OR2M4: variants seen among roughly 807,000 people sequenced by gnomAD.
OR2M4 encodes olfactory receptor 2M4.
In OR2M4, 8 loss-of-function variants were observed where a neutral mutation model predicts 13.7. The observed-to-expected ratio is 0.58, with a 90% confidence interval of 0.34 to 1.05. The LOEUF is 1.05. Ranked by LOEUF, OR2M4 falls within the 50% of genes least tolerant of loss-of-function variation. OR2M4 has a pLI of 0.02. For synonymous variants in OR2M4, 152 were observed against 141.3 expected, an observed-to-expected ratio of 1.08 and a Z score of -0.53; for missense variants, 374 against 381.6, an observed-to-expected ratio of 0.98 and a Z score of 0.17.
In OR2M4 at chr1:248,240,990, C is replaced by G. The variant is rs1246268818; in HGVS notation, c.*1126C>G. ...TCCCAGTGGTCAAAACTTGTGTTCC[C>G]ACAAACCTTGACACTGAGGGCTAAA... On this transcript the variant is annotated 3_prime_UTR_variant, in exon 2 of 2. Transcript: ENST00000641868. 1 of 152,216 alleles carries G rather than the reference C, an allele frequency of 6.6e-6. No individual in the cohort carries two copies. The highest frequency in any genetic ancestry group is 2.4e-5 in the African/African-American group (1 of 41,434). The allele number at this position is 152,216 out of a possible 1,614,324, so 9.4% of individuals were successfully genotyped here.
In OR2M4 at chr1:248,239,829, C is replaced by A. The variant is rs1375266437; in HGVS notation, c.901C>A (p.Leu301Ile). The change falls in exon 2 of 2, where the codon CTA (leucine) becomes ATA (isoleucine). Residue 301 changes from leucine to isoleucine, a missense_variant. Leu to Ile is a conservative substitution (Grantham distance 5, BLOSUM62 2). Transcript: ENST00000641868. ...SLRNKEVFRA[L>I]QKVLKKRKLI Reference sequence around the variant, plus strand: ...CCGCAACAAAGAAGTGTTCAGGGCACTACAGAAGGTACTGAAGAAAAGAAA... The same window carrying A: ...CCGCAACAAAGAAGTGTTCAGGGCAATACAGAAGGTACTGAAGAAAAGAAA... 1 of 1,609,914 alleles carries A rather than the reference C, an allele frequency of 6.2e-7. No homozygotes were observed. Among genetic ancestry groups the A allele is most frequent in the South Asian group, 1.1e-5 (1 of 90,212 alleles).
rs1467907428 is a variant in OR2M4 at position 248,239,677 on chromosome 1, T to C, written c.749T>C (p.Leu250Pro). The C allele has an allele frequency of 6.2e-7, 1 of 1,614,114 alleles. No homozygotes were observed. Among genetic ancestry groups the C allele is most frequent in the Admixed American group, 1.7e-5 (1 of 60,022 alleles). The change falls in exon 2 of 2, where the codon CTC becomes CCC. Residue 250 changes from leucine (L) to proline (P), a missense_variant. Transcript: ENST00000641868. ...TCCTCCCACCTGTCTGTGGTCGGAC[T>C]CTACTACGGTGCTGCTATGTTCATG... The part of the protein sequence containing the change: ...TCSSHLSVVG[L>P]YYGAAMFMYM...
chr1:248,239,555 T>C lies in OR2M4; in HGVS notation c.627T>C (p.Phe209=). ...TTTGTTGTGTGGTAATGCTAATCTT[T>C]CCAGTTTCAGTTATCATACTTTCCT... ...LVICCVVMLI[F]PVSVIILSYS... The change falls in exon 2 of 2, where the codon TTT becomes TTC. Residue 209 remains phenylalanine, a synonymous_variant. Coordinates refer to ENST00000641868, the MANE Select transcript of OR2M4 (RefSeq NM_017504.2). 6.2e-7 allele frequency: 1 copy of C among 1,614,184 alleles called. No individual in the cohort carries two copies. The highest frequency in any genetic ancestry group is 8.5e-7 in the Non-Finnish European group (1 of 1,180,022).
At chr1:248,234,261 A>G (rs941879761) in intron 1 of OR2M4, among the ~76,000 whole-genome samples, 1 of 151,784 alleles carries the variant, frequency 6.6e-6, no homozygotes, top group Admixed American at 6.6e-5. Flanking sequence ...GCCCATCTTG[A>G]ACTGGGCTGA....
rs1666589875 is a variant in OR2M4, at chr1:248,239,291, C to A, written c.363C>A (p.Asp121Glu). 11 of 1,614,056 alleles carry A rather than the reference C, an allele frequency of 6.8e-6. No homozygotes were observed. The highest frequency in any genetic ancestry group is 1.1e-5 in the South Asian group (1 of 91,074). ...TCTTGTTGGCTGTCATGGCTTATGACCGCTATGTGGCTATATGTCACCCTC... is the reference window on the plus strand; with the variant it reads ...TCTTGTTGGCTGTCATGGCTTATGAACGCTATGTGGCTATATGTCACCCTC... The part of the protein sequence containing the change: ...ECFLLAVMAY[D>E]RYVAICHPLQ... Residue 121 changes from aspartate to glutamate, a missense_variant, in exon 2 of 2, where the codon GAC becomes GAA. By Grantham distance (45) the Asp-to-Glu change is conservative (BLOSUM62 2). Coordinates refer to ENST00000641868, the MANE Select transcript of OR2M4 (RefSeq NM_017504.2).
intron 1 of OR2M4, among the ~76,000 whole-genome samples, chr1:248,237,985 A>T (rs1666575011): frequency 6.6e-6 from 1 of 152,138 alleles, no homozygotes; most frequent in Non-Finnish European, 1.5e-5. Context: ...GAAGAAATCA[A>T]TTTTTTCAAA....
At chr1:248,235,115 T>C (rs996516974) in intron 1 of OR2M4, among the ~76,000 whole-genome samples, 8 of 152,224 alleles carry the variant, frequency 5.3e-5, no homozygotes, top group African/African-American at 1.9e-4. Context: ...CTAGATTTTC[T>C]TCTAGGGTTT....
intron 1 of OR2M4, among the ~76,000 whole-genome samples, chr1:248,233,674 A>G (rs1666526057): frequency 6.6e-6 from 1 of 151,496 alleles, no homozygotes; most frequent in African/African-American, 2.5e-5. Context: ...GTAGGAAATA[A>G]CAACAAAGAC....
chr1:248,236,471 A>G (rs879261458), intron 1 of OR2M4, among the ~76,000 whole-genome samples: 5 of 152,144 alleles, frequency 3.3e-5, no homozygotes, highest in Non-Finnish European at 7.4e-5. Flanking sequence ...AAAGATCTCA[A>G]ATTGACACCC....
chr1:248,240,736 G>C lies in OR2M4; in HGVS notation c.*872G>C, dbSNP rs957037600. ...TATATCACTGAAGAGGCAGTGAAGAGGTAGAAAAAACAACTTGAACAGACA... is the reference window on the plus strand; with the variant it reads ...TATATCACTGAAGAGGCAGTGAAGACGTAGAAAAAACAACTTGAACAGACA... On this transcript the variant is annotated 3_prime_UTR_variant, in exon 2 of 2. Coordinates refer to ENST00000641868, the MANE Select transcript of OR2M4 (RefSeq NM_017504.2). 1 of 152,184 alleles carries C rather than the reference G, an allele frequency of 6.6e-6. No individual in the cohort carries two copies. The highest frequency in any genetic ancestry group is 2.4e-5 in the African/African-American group (1 of 41,450). 9.4% of individuals were successfully genotyped at this position (152,184 alleles called of 1,614,324 possible).
Position 248,242,023 on chromosome 1 carries a change from A to G in OR2M4, c.*2159A>G, listed in dbSNP as rs949951978. 6.6e-6 allele frequency: 1 copy of G among 152,174 alleles called. No homozygotes were observed. Among genetic ancestry groups the G allele is most frequent in the African/African-American group, 2.4e-5 (1 of 41,444 alleles). The allele number at this position is 152,174 out of a possible 1,614,324, so 9.4% of individuals were successfully genotyped here. A position where few individuals can be genotyped will look rare whatever the true frequency, so the allele number is the denominator to read the frequency against. ...TAAAAGAAGATAATACTATGTCCCT[A>G]TGTGTTTCATTCCACTTTATGATAC... On this transcript the variant is annotated 3_prime_UTR_variant, in exon 2 of 2. Transcript: ENST00000641868.
chr1:248,232,502 T>G (rs1449551024), intron 1 of OR2M4, among the ~76,000 whole-genome samples: 1 of 152,132 alleles, frequency 6.6e-6, no homozygotes, highest in East Asian at 1.9e-4. Flanking sequence ...TATTTCTATT[T>G]TAGCTCTAAT....
Position 248,239,467 on chromosome 1 carries a change from A to G in OR2M4, c.539A>G (p.Asp180Gly), listed in dbSNP as rs1424335352. The change falls in exon 2 of 2, where the codon GAT (aspartate) becomes GGT (glycine). Residue 180 changes from aspartate to glycine, a missense_variant. Physicochemically the swap from Asp to Gly is moderately conservative, Grantham distance 94. Transcript: ENST00000641868. ...SSLEIHHFFC[D>G]VAALLPLSCT... The stretch of plus-strand genomic sequence containing the variant: ...CTGGAAATTCATCACTTTTTCTGTG[A>G]TGTTGCTGCCCTTTTACCTCTATCC... The G allele has an allele frequency of 6.2e-7, 1 of 1,614,028 alleles. No homozygotes were observed. The highest frequency in any genetic ancestry group is 2.2e-5 in the East Asian group (1 of 44,882).
In OR2M4 at chr1:248,244,167, G is replaced by T. The variant is rs1328508739; in HGVS notation, c.*4303G>T. 2.0e-5 allele frequency: 3 copies of T among 152,154 alleles called. No homozygotes were observed. Among genetic ancestry groups the T allele is most frequent in the Non-Finnish European group, 2.9e-5 (2 of 68,020 alleles). The allele number at this position is 152,154 out of a possible 1,614,324, so 9.4% of individuals were successfully genotyped here. A position where few individuals can be genotyped will look rare whatever the true frequency, so the allele number is the denominator to read the frequency against. ...GATTTCTCGAAGAACTTAAAACAGG[G>T]CTGCTACTTGACCCAGGAATGCTAT... On this transcript the variant is annotated 3_prime_UTR_variant, in exon 2 of 2. Coordinates refer to ENST00000641868, the MANE Select transcript of OR2M4 (RefSeq NM_017504.2).
chr1:248,240,652 A>C lies in OR2M4; in HGVS notation c.*788A>C, dbSNP rs1000638218. 2.0e-5 allele frequency: 3 copies of C among 152,212 alleles called. No homozygotes were observed. Among genetic ancestry groups the C allele is most frequent in the Admixed American group, 6.5e-5 (1 of 15,286 alleles). 9.4% of individuals were successfully genotyped at this position (152,212 alleles called of 1,614,324 possible). On this transcript the variant is annotated 3_prime_UTR_variant, in exon 2 of 2. Transcript: ENST00000641868. Reference sequence around the variant, plus strand: ...CAATTTAACAATAATCCATACACGAACAACACATTCATGAGAGCCAAAAAT... The same window carrying C: ...CAATTTAACAATAATCCATACACGACCAACACATTCATGAGAGCCAAAAAT...
At chr1:248,238,201 T>G (rs113990437) in intron 1 of OR2M4, among the ~76,000 whole-genome samples, 326 of 152,190 alleles carry the variant, frequency 2.1e-3, no homozygotes, top group Non-Finnish European at 3.9e-3. Flanking sequence ...AAACAAAAAA[T>G]GCAGCTTCTT....
rs1254571710 is a variant in OR2M4, at chr1:248,240,642, C to T, written c.*778C>T. The T allele has an allele frequency of 6.6e-6, 1 of 152,184 alleles. No homozygotes were observed. The highest frequency in any genetic ancestry group is 2.1e-4 in the South Asian group (1 of 4,832). 9.4% of individuals were successfully genotyped at this position (152,184 alleles called of 1,614,324 possible). Reference sequence around the variant, plus strand: ...GCAAGGACAGCAATTTAACAATAATCCATACACGAACAACACATTCATGAG... The same window carrying T: ...GCAAGGACAGCAATTTAACAATAATTCATACACGAACAACACATTCATGAG... On this transcript the variant is annotated 3_prime_UTR_variant, in exon 2 of 2. Coordinates refer to ENST00000641868, the MANE Select transcript of OR2M4 (RefSeq NM_017504.2).
At chr1:248,233,039 C>G (rs1193486822) in intron 1 of OR2M4, among the ~76,000 whole-genome samples, 2 of 152,110 alleles carry the variant, frequency 1.3e-5, no homozygotes, top group African/African-American at 4.8e-5. Context: ...ATTGACATAA[C>G]AGTTTAATTT....
intron 1 of OR2M4, among the ~76,000 whole-genome samples, chr1:248,234,544 T>C (rs1348035450): frequency 6.6e-6 from 1 of 152,188 alleles, no homozygotes; most frequent in Non-Finnish European, 1.5e-5. Flanking sequence ...AGTGAGAACA[T>C]GCGGTGTTTT....
Sources: allele counts gnomAD v4.1 joint callset (sites outside exome capture counted in the v4.1 genomes callset), GRCh38; gene constraint gnomAD v4.1.1; transcripts MANE v1.5; gene names NCBI Gene and HGNC (gene_info 2026-07-23, HGNC 2026-07-21).